Variants in ABR observed in about 807,000 individuals in gnomAD.
The protein encoded by ABR is ABR activator of RhoGEF and GTPase.
ABR carries 35 observed loss-of-function variants against 107.2 expected under a neutral mutation model. The ratio of observed to expected loss-of-function variants is 0.33; its 90% CI spans 0.25 to 0.43. The LOEUF (loss-of-function observed/expected upper bound fraction) is 0.43, where lower values mean the gene tolerates loss of function less well. Among genes scored for constraint, ABR ranks in the 20% least tolerant of loss-of-function variants. The probability of loss-of-function intolerance (pLI) is 1.00; values close to 1 mark genes in which losing one functional copy is unlikely to be tolerated. For missense variants in ABR, 815 were observed against 1,115.2 expected, an observed-to-expected ratio of 0.73 and a Z score of 3.83; for synonymous variants, 498 against 462.0, an observed-to-expected ratio of 1.08 and a Z score of -1.00.
At chr17:1,173,891 A>G (rs1437652198) in intron 1 of ABR, among the ~76,000 whole-genome samples, 1 of 152,166 alleles carries the variant, frequency 6.6e-6, no homozygotes, top group East Asian at 1.9e-4. Context: ...TGAGGAGCGC[A>G]ATGAGCTGGA....
chr17:1,151,566 G>A (rs772412565), intron 1 of ABR, among the ~76,000 whole-genome samples: 6 of 152,200 alleles, frequency 3.9e-5, no homozygotes, highest in Admixed American at 6.5e-5. Context: ...TCTTCCCTGC[G>A]GAGAGATTGT....
chr17:1,050,737 A>C lies in ABR; in HGVS notation c.1562-103T>G. 1.1e-6 allele frequency: 1 copy of C among 895,294 alleles called. No homozygotes were observed. Among genetic ancestry groups the C allele is most frequent in the Non-Finnish European group, 1.8e-6 (1 of 548,206 alleles). The allele number at this position is 895,294 out of a possible 1,614,324, so 55.5% of individuals were successfully genotyped here. Reference sequence around the variant, plus strand: ...GGGGACATCGCATCTGTCCTTTCCAACGTCCCCACGGATGGCATCTTGGCT... The same window carrying C: ...GGGGACATCGCATCTGTCCTTTCCACCGTCCCCACGGATGGCATCTTGGCT... On this transcript the variant is annotated intron_variant, in intron 14 of 22. Transcript: ENST00000302538. This position sits in a 1 kb window ranked among gnomAD's most constrained non-coding sequence, Gnocchi z 4.6.
chr17:1,018,835 T>C (rs1158780079), intron 16 of ABR, among the ~76,000 whole-genome samples: 1 of 152,188 alleles, frequency 6.6e-6, no homozygotes, highest in African/African-American at 2.4e-5. Flanking sequence ...TTCATGATCA[T>C]GATAGCAGAC....
chr17:1,178,512 G>C (rs576948947), intron 1 of ABR, among the ~76,000 whole-genome samples: 2 of 151,454 alleles, frequency 1.3e-5, no homozygotes, highest in Admixed American at 6.6e-5. Flanking sequence ...TGCAATGAGC[G>C]GAGATTGCGC....
chr17:1,181,461 G>A (rs760892704), upstream of ABR, among the ~76,000 whole-genome samples: 6 of 152,082 alleles, frequency 3.9e-5, no homozygotes, highest in Non-Finnish European at 7.4e-5. Context: ...GGCTCCCTCC[G>A]CCCCAATCCT....
Position 1,072,724 on chromosome 17 carries a change from G to T in ABR, c.784C>A (p.Pro262Thr). Residue 262 changes from proline (P) to threonine (T), a missense_variant, in exon 8 of 23, where the codon CCC becomes ACC. Coordinates refer to ENST00000302538, the MANE Select transcript of ABR (RefSeq NM_021962.5). ...DLLKHTPVDHPDYPLLQDALR... is the reference protein window; with the variant it reads ...DLLKHTPVDHTDYPLLQDALR... ...GCATCCTGCAGCAGCGGGTAGTCGG[G>T]GTGGTCCACAGGTGTGTGCTTCAGC... 6.2e-7 allele frequency: 1 copy of T among 1,613,800 alleles called. No homozygotes were observed. The highest frequency in any genetic ancestry group is 8.5e-7 in the Non-Finnish European group (1 of 1,179,908).
At chr17:1,164,452 T>G (rs34696944) in intron 1 of ABR, among the ~76,000 whole-genome samples, 1 of 94,996 alleles carries the variant, frequency 1.1e-5, no homozygotes, top group African/African-American at 4.2e-5. Context: ...TCGGAGCATC[T>G]AGGTGGGACC....
chr17:1,112,629 A>AAGAG (rs1363486315), intron 2 of ABR, among the ~76,000 whole-genome samples: 3 of 151,910 alleles, frequency 2.0e-5, no homozygotes, highest in Non-Finnish European at 1.5e-5. Context: ...GGAAGGAAGG[A>AAGAG]AGAGAGGAAG....
intron 1 of ABR, among the ~76,000 whole-genome samples, chr17:1,218,710 C>T (rs1261476164): frequency 6.6e-6 from 1 of 152,184 alleles, no homozygotes; most frequent in Admixed American, 6.5e-5. Flanking sequence ...CCCCAAATTA[C>T]AAATGGACGA....
intron 16 of ABR, among the ~76,000 whole-genome samples, chr17:1,016,427 C>T (rs2071166140): frequency 6.6e-6 from 1 of 151,850 alleles, no homozygotes; most frequent in Non-Finnish European, 1.5e-5. Flanking sequence ...AGTGATTCTC[C>T]TGCCTCAGCC....
intron 1 of ABR, among the ~76,000 whole-genome samples, chr17:1,172,664 G>T (rs561088707): frequency 3.9e-5 from 6 of 151,956 alleles, no homozygotes; most frequent in African/African-American, 1.5e-4. Context: ...CAGGAGAATC[G>T]CTTGAACCCA....
chr17:1,153,213 C>G (rs2040871530), intron 1 of ABR, among the ~76,000 whole-genome samples: 1 of 152,244 alleles, frequency 6.6e-6, no homozygotes, highest in Non-Finnish European at 1.5e-5. Context: ...CACCATACCC[C>G]TTCCCCCACA....
At chr17:1,156,111 G>A (rs2041031027) in intron 1 of ABR, 1 of 152,234 alleles carries the variant, frequency 6.6e-6, no homozygotes, top group Non-Finnish European at 1.5e-5. Flanking sequence ...CTCAATGGGG[G>A]TGCTGTGGGG....
At chr17:1,197,905 G>C (rs757979257) in intron 1 of ABR, among the ~76,000 whole-genome samples, 28 of 151,756 alleles carry the variant, frequency 1.8e-4, no homozygotes, top group Non-Finnish European at 3.2e-4. Context: ...ACTGGCTTTG[G>C]GGGCAAATAC....
chr17:1,184,413 C>A (rs956044245), upstream of ABR, among the ~76,000 whole-genome samples: 2 of 148,948 alleles, frequency 1.3e-5, no homozygotes, highest in African/African-American at 5.0e-5. Flanking sequence ...TGAGATCACG[C>A]CACTGCACTC....
intron 1 of ABR, among the ~76,000 whole-genome samples, chr17:1,217,426 G>A (rs780116807): frequency 3.3e-5 from 5 of 152,134 alleles, no homozygotes; most frequent in East Asian, 3.9e-4. Context: ...TAGTAACAGT[G>A]GGGATAATCA....
chr17:1,012,025 C>G (rs537004612), intron 18 of ABR, 40 bp from the exon 19 acceptor site: 2 of 1,608,246 alleles, frequency 1.2e-6, no homozygotes, highest in African/African-American at 2.7e-5. Context: ...GCAGCCCCCA[C>G]GACAGCTCTC....
intron 16 of ABR, among the ~76,000 whole-genome samples, chr17:1,014,305 G>C (rs1211060588): frequency 7.3e-6 from 1 of 136,060 alleles, no homozygotes; most frequent in Non-Finnish European, 1.6e-5. Flanking sequence ...GCCGGGCGTG[G>C]TGGCGGGCGC....
chr17:1,224,123 G>A (rs1248795488), intron 1 of ABR, among the ~76,000 whole-genome samples: 5 of 152,042 alleles, frequency 3.3e-5, no homozygotes, highest in Non-Finnish European at 7.4e-5. Context: ...GTGGCTGGCC[G>A]GTGGTCTCAC....
Sources: allele counts gnomAD v4.1 joint callset (sites outside exome capture counted in the v4.1 genomes callset), GRCh38; gene constraint gnomAD v4.1.1; non-coding constraint Gnocchi (gnomAD v3.1); transcripts MANE v1.5; gene names NCBI Gene and HGNC (gene_info 2026-07-23, HGNC 2026-07-21).